The following PARD3B variants were observed in gnomAD, a reference collection of about 807,000 sequenced individuals.
The protein encoded by PARD3B is par-3 family cell polarity regulator beta, also known as partitioning defective 3 homolog B.
A neutral mutation model predicts 130.2 loss-of-function variants in PARD3B; 103 were observed. The ratio of observed to expected loss-of-function variants is 0.79; its 90% CI spans 0.67 to 0.93. PARD3B has a LOEUF of 0.93. Ranked by LOEUF, PARD3B falls within the 40% of genes least tolerant of loss-of-function variation. PARD3B has a pLI of 0.00. For synonymous variants in PARD3B, 583 were observed against 553.2 expected, an observed-to-expected ratio of 1.05 and a Z score of -0.76; for missense variants, 1,609 against 1,499.2, an observed-to-expected ratio of 1.07 and a Z score of -1.21.
intron 18 of PARD3B, among the ~76,000 whole-genome samples, chr2:205,346,469 A>G (rs549564520): frequency 4.3e-4 from 66 of 152,266 alleles, no homozygotes; most frequent in Admixed American, 7.2e-4. Flanking sequence ...TTATGCCTAC[A>G]TCAAAATTGG....
Position 204,971,030 on chromosome 2 carries a change from T to G in PARD3B, c.394+5707T>G, listed in dbSNP as rs538030071. 5.3e-5 allele frequency among the ~76,000 whole-genome samples: 8 copies of G among 152,336 alleles called. No individual in the cohort carries two copies. The South Asian group carries it at 1.4e-3, about 28-fold the overall frequency. Reference sequence around the variant, plus strand: ...ATATCATTATTTTCAAAACACTGAGTTCTCTTTCTTTGCAGTGGTGTTCAG... The same window carrying G: ...ATATCATTATTTTCAAAACACTGAGGTCTCTTTCTTTGCAGTGGTGTTCAG... On this transcript the variant is annotated intron_variant, in intron 3 of 22. Coordinates refer to ENST00000406610, the MANE Select transcript of PARD3B (RefSeq NM_001302769.2).
intron 11 of PARD3B, among the ~76,000 whole-genome samples, chr2:205,165,760 A>C (rs2034776073): frequency 8.5e-6 from 1 of 117,518 alleles, no homozygotes; most frequent in Admixed American, 8.5e-5. Context: ...TAAATAAATA[A>C]ATAAATAAAT....
intron 18 of PARD3B, among the ~76,000 whole-genome samples, chr2:205,395,130 TC>T (rs1480544390): frequency 6.6e-6 from 1 of 152,092 alleles, no homozygotes; most frequent in Non-Finnish European, 1.5e-5. Context: ...ATTGAAAACC[TC>T]CATCTTCAGC....
chr2:205,136,200 A>AT (rs2032472512), intron 10 of PARD3B, among the ~76,000 whole-genome samples: 1 of 151,934 alleles, frequency 6.6e-6, no homozygotes, highest in African/African-American at 2.4e-5. Context: ...TGTTGTTTCA[A>AT]TTTTCTTATA....
rs571331659 is a variant in PARD3B, at chr2:205,023,848, C to T, written c.395-23733C>T. Among the ~76,000 whole-genome samples, 91 of 152,210 alleles carry T rather than the reference C, an allele frequency of 6.0e-4. 1 individual carries two copies. The Middle Eastern group carries it at 0.024, about 40-fold the overall frequency. ...AACAGATGTGTATTTACTTCGGCAG[C>T]TCCAGATCTTGACTCTGGTAGCATC... On this transcript the variant is annotated intron_variant, in intron 3 of 22. Coordinates refer to ENST00000406610, the MANE Select transcript of PARD3B (RefSeq NM_001302769.2).
intron 2 of PARD3B, among the ~76,000 whole-genome samples, chr2:204,762,402 G>A (rs1400078798): frequency 6.6e-6 from 1 of 151,996 alleles, no homozygotes; most frequent in Non-Finnish European, 1.5e-5. Flanking sequence ...AGGATTACAG[G>A]CATGAGCCAC....
chr2:205,301,773 A>T lies in PARD3B; in HGVS notation c.2630+72A>T, dbSNP rs751686360. ...CTGGTAAAATCACTCCTTTGTCTGT[A>T]CTCAGAAAAAAGCGCACGCTTTTCC... On this transcript the variant is annotated intron_variant, in intron 18 of 22. Coordinates refer to ENST00000406610, the MANE Select transcript of PARD3B (RefSeq NM_001302769.2). The surrounding 1 kb of genome is among the most constrained non-coding windows in gnomAD (Gnocchi z 5.2). 6.2e-7 allele frequency: 1 copy of T among 1,613,128 alleles called. No homozygotes were observed. Among genetic ancestry groups the T allele is most frequent in the Non-Finnish European group, 8.5e-7 (1 of 1,179,266 alleles).
Position 204,680,077 on chromosome 2 carries a change from A to T in PARD3B, c.121-6104A>T, listed in dbSNP as rs13431136. On this transcript the variant is annotated intron_variant, in intron 1 of 22. Transcript: ENST00000406610. ...GTATCAAATTTATGCTATCTTTTTT[A>T]AAAAAAGCTGAGAGAATTTTTCTCT... Among the ~76,000 whole-genome samples, 372 of 152,038 alleles carry T rather than the reference A, an allele frequency of 2.4e-3. 3 individuals carry two copies. The highest frequency in any genetic ancestry group is 8.3e-3 in the African/African-American group (344 of 41,512).
intron 21 of PARD3B, among the ~76,000 whole-genome samples, chr2:205,518,903 A>G (rs1008764570): frequency 6.6e-6 from 1 of 152,200 alleles, no homozygotes; most frequent in Non-Finnish European, 1.5e-5. Flanking sequence ...AGACACTTGA[A>G]TATAGGCTGC....
At chr2:204,656,969 C>G (rs1468079962) in intron 1 of PARD3B, among the ~76,000 whole-genome samples, 1 of 152,086 alleles carries the variant, frequency 6.6e-6, no homozygotes, top group Non-Finnish European at 1.5e-5. Flanking sequence ...AGAGTAAGAT[C>G]ATGATGTCTC....
At chr2:204,959,007 C>T (rs919484693) in intron 2 of PARD3B, among the ~76,000 whole-genome samples, 1 of 152,176 alleles carries the variant, frequency 6.6e-6, no homozygotes, top group South Asian at 2.1e-4. Flanking sequence ...ATGTGCAGAA[C>T]GTGCAGGTTT....
At chr2:205,533,110 A>G (rs1406968875) in intron 21 of PARD3B, among the ~76,000 whole-genome samples, 1 of 152,188 alleles carries the variant, frequency 6.6e-6, no homozygotes, top group Non-Finnish European at 1.5e-5. Context: ...CATTGCAAAG[A>G]AAAGAAAGCA....
Position 205,229,408 on chromosome 2 carries a change from G to A in PARD3B, c.2141-16370G>A, listed in dbSNP as rs377418636. Among the ~76,000 whole-genome samples the A allele has an allele frequency of 3.3e-5, 5 of 152,342 alleles. No homozygotes were observed. In the South Asian group the frequency reaches 1.0e-3, roughly 32 times the overall value. On this transcript the variant is annotated intron_variant, in intron 15 of 22. Coordinates refer to ENST00000406610, the MANE Select transcript of PARD3B (RefSeq NM_001302769.2). The surrounding 1 kb of genome is among the most constrained non-coding windows in gnomAD (Gnocchi z 5.2). ...GCTGTGACTCTTACAGACTTGTAGA[G>A]GTGCCATGTTGGTGGTCTTGGATAA...
chr2:205,369,025 G>A (rs1342947392), intron 18 of PARD3B, among the ~76,000 whole-genome samples: 1 of 152,136 alleles, frequency 6.6e-6, no homozygotes, highest in Non-Finnish European at 1.5e-5. Context: ...TTCCTGTGTT[G>A]TTAAGTTTGA....
intron 1 of PARD3B, among the ~76,000 whole-genome samples, chr2:204,648,511 G>A (rs1378400544): frequency 7.0e-6 from 1 of 142,202 alleles, no homozygotes; most frequent in Non-Finnish European, 1.5e-5. Context: ...TTCATTATGA[G>A]TTGTGGGCAA....
At chr2:204,739,351 C>A (rs2125358855) in intron 2 of PARD3B, among the ~76,000 whole-genome samples, 1 of 152,168 alleles carries the variant, frequency 6.6e-6, no homozygotes, top group South Asian at 2.1e-4. Context: ...GTTCATTGTG[C>A]CATGGCATCT....
At chr2:204,618,565 A>G (rs1196541183) in intron 1 of PARD3B, among the ~76,000 whole-genome samples, 1 of 152,212 alleles carries the variant, frequency 6.6e-6, no homozygotes, top group Non-Finnish European at 1.5e-5. Context: ...CTTAACTCCT[A>G]GAAACATTTC....
chr2:205,017,777 C>G (rs1242429661), intron 3 of PARD3B, among the ~76,000 whole-genome samples: 2 of 152,178 alleles, frequency 1.3e-5, no homozygotes, highest in East Asian at 1.9e-4. Flanking sequence ...TATGTAGGTG[C>G]TCTCCAAATC....
rs1451204188 is a variant in PARD3B, at chr2:205,563,468, A to AC, written c.3260+10069dup. Among the ~76,000 whole-genome samples, 1 of 152,088 alleles carries AC rather than the reference A, an allele frequency of 6.6e-6. No homozygotes were observed. The highest frequency in any genetic ancestry group is 1.5e-5 in the Non-Finnish European group (1 of 68,028). On this transcript the variant is annotated intron_variant, in intron 22 of 22. Transcript: ENST00000406610. The surrounding 1 kb of genome is among the most constrained non-coding windows in gnomAD (Gnocchi z 4.2). ...TCCAAGGCCTTTTTAATTTCACTTG[A>AC]CCCCACATGACTAACATTGGCAAGT... is the stretch of plus-strand genomic sequence containing the variant.
Sources: gnomAD v4.1 joint callset for allele counts (sites outside exome capture counted in the v4.1 genomes callset) on GRCh38, gnomAD v4.1.1 for gene constraint, Gnocchi (gnomAD v3.1) non-coding constraint, MANE v1.5 for transcripts, NCBI Gene and HGNC (gene_info 2026-07-23, HGNC 2026-07-21) for gene names.